RSPO2: variants seen among roughly 807,000 people sequenced by gnomAD.
The protein encoded by RSPO2 is R-spondin 2, also known as R-spondin-2.
In RSPO2, 14 loss-of-function variants were observed where a neutral mutation model predicts 30.9. That is an observed-to-expected ratio of 0.45 (90% CI 0.30 to 0.71). RSPO2 has a LOEUF of 0.71. Among genes scored for constraint, RSPO2 ranks in the 30% least tolerant of loss-of-function variants. The probability of loss-of-function intolerance (pLI) is 0.08; values close to 1 mark genes in which losing one functional copy is unlikely to be tolerated. For synonymous variants in RSPO2, 107 were observed against 96.4 expected (o/e 1.11, Z -0.64); for missense variants, 264 against 301.9 (o/e 0.87, Z 0.93).
intron 5 of RSPO2, among the ~76,000 whole-genome samples, chr8:107,901,577 C>T (rs1563741414): frequency 6.6e-6 from 1 of 152,238 alleles, no homozygotes; most frequent in Non-Finnish European, 1.5e-5. Context: ...AGAAAATAAG[C>T]ATCTATCTAT....
intron 5 of RSPO2, among the ~76,000 whole-genome samples, chr8:107,935,954 C>T (rs1812711218): frequency 6.6e-6 from 1 of 152,062 alleles, no homozygotes; most frequent in Non-Finnish European, 1.5e-5. Context: ...CTATGCGTTG[C>T]TAACACTTCA....
intron 2 of RSPO2, among the ~76,000 whole-genome samples, chr8:108,080,976 G>C (rs770768166): frequency 6.6e-6 from 1 of 152,150 alleles, no homozygotes; most frequent in Non-Finnish European, 1.5e-5. Flanking sequence ...GAGGAGAGAG[G>C]AGATAAAAAG....
intron 2 of RSPO2, among the ~76,000 whole-genome samples, chr8:108,016,820 G>A (rs960365150): frequency 2.0e-5 from 3 of 151,748 alleles, no homozygotes; most frequent in African/African-American, 7.3e-5. Flanking sequence ...ACTCTCTCTC[G>A]CGCTCCTGCT....
chr8:107,983,396 T>TA, intron 3 of RSPO2: 1 of 1,605,248 alleles, frequency 6.2e-7, no homozygotes, highest in South Asian at 1.1e-5. Flanking sequence ...GACAAGGATG[T>TA]AGCTGCCCAT....
intron 2 of RSPO2, among the ~76,000 whole-genome samples, chr8:108,011,478 AAC>A (rs1810711306): frequency 6.6e-6 from 1 of 152,214 alleles, no homozygotes; most frequent in Non-Finnish European, 1.5e-5. Context: ...TTTAATAGAG[AAC>A]AGAGTGATTT....
Position 107,901,107 on chromosome 8 carries a change from C to T in RSPO2, c.700G>A (p.Val234Ile), listed in dbSNP as rs761237646. 266 of 1,614,128 alleles carry T rather than the reference C, an allele frequency of 1.6e-4. 1 individual carries two copies. The highest frequency in any genetic ancestry group is 8.0e-4 in the Admixed American group (48 of 60,008). ...TTAGCTCTGTCTGTAGCTAGGAAGA[C>T]GCTGTGTTGCTCCTGGGCCCTTTCT... ...LIERAQEQHSVFLATDRANQ is the reference protein window; with the variant it reads ...LIERAQEQHSIFLATDRANQ The change falls in exon 6 of 6, where the codon GTC becomes ATC. Residue 234 changes from valine to isoleucine, a missense_variant. By Grantham distance (29) the Val-to-Ile change is conservative. Coordinates refer to ENST00000276659, the MANE Select transcript of RSPO2 (RefSeq NM_178565.5).
intron 5 of RSPO2, among the ~76,000 whole-genome samples, chr8:107,955,031 T>G (rs1297337842): frequency 6.6e-6 from 1 of 152,144 alleles, no homozygotes; most frequent in East Asian, 1.9e-4. Flanking sequence ...TTGGTTAGTC[T>G]TTGAAGGACC....
rs540309271 is a variant in RSPO2 at position 107,910,048 on chromosome 8, G to A, written c.617-8858C>T. On this transcript the variant is annotated intron_variant, in intron 5 of 5. Coordinates refer to ENST00000276659, the MANE Select transcript of RSPO2 (RefSeq NM_178565.5). ...CTAAATTAAGTCAGAAAAACCATCAGGTTTGCAGAGAAAATGATTCAGCTG... is the reference window on the plus strand; with the variant it reads ...CTAAATTAAGTCAGAAAAACCATCAAGTTTGCAGAGAAAATGATTCAGCTG... 3.9e-5 allele frequency among the ~76,000 whole-genome samples: 6 copies of A among 152,254 alleles called. No homozygotes were observed. The East Asian group carries it at 1.2e-3, about 29-fold the overall frequency.
chr8:107,901,347 A>G (rs1811456664), intron 5 of RSPO2, among the ~76,000 whole-genome samples, 157 bp from the exon 6 acceptor site: 1 of 139,712 alleles, frequency 7.2e-6, no homozygotes, highest in African/African-American at 2.8e-5. Context: ...ATTTTGACAG[A>G]ATAATAATAA....
At chr8:107,978,805 A>G (rs1814310132) in intron 3 of RSPO2, among the ~76,000 whole-genome samples, 3 of 152,238 alleles carry the variant, frequency 2.0e-5, no homozygotes, top group Non-Finnish European at 4.4e-5. Flanking sequence ...AATATCCACA[A>G]TCTACAATGA....
At chr8:108,037,458 T>G (rs377459650) in intron 2 of RSPO2, among the ~76,000 whole-genome samples, 4 of 152,178 alleles carry the variant, frequency 2.6e-5, no homozygotes, top group African/African-American at 9.7e-5. Context: ...AGGAAAGAAG[T>G]CATCTCCATA....
At chr8:107,940,103 C>A (rs776429462) in intron 5 of RSPO2, among the ~76,000 whole-genome samples, 10 of 152,100 alleles carry the variant, frequency 6.6e-5, no homozygotes, top group Non-Finnish European at 1.5e-4. Flanking sequence ...GAAGAAAGTT[C>A]TGCCTTTGCC....
chr8:107,946,414 G>A (rs1160359975), intron 5 of RSPO2, among the ~76,000 whole-genome samples: 3 of 152,162 alleles, frequency 2.0e-5, no homozygotes, highest in Admixed American at 6.6e-5. Context: ...CAGGAGAAAT[G>A]AGGTTTTGCA....
At chr8:107,968,600 CA>C (rs914948154) in intron 3 of RSPO2, among the ~76,000 whole-genome samples, 2 of 151,246 alleles carry the variant, frequency 1.3e-5, no homozygotes, top group South Asian at 2.1e-4. Flanking sequence ...GTTCCCAACA[CA>C]AAAAAAATAA....
chr8:107,930,018 C>T (rs914373667), intron 5 of RSPO2, among the ~76,000 whole-genome samples: 25 of 152,164 alleles, frequency 1.6e-4, no homozygotes, highest in African/African-American at 6.0e-4. Flanking sequence ...AACCACTTCT[C>T]TAGATCAGTA....
intron 5 of RSPO2, among the ~76,000 whole-genome samples, chr8:107,922,635 CA>C (rs1812212505): frequency 6.6e-6 from 1 of 151,982 alleles, no homozygotes; most frequent in Admixed American, 6.6e-5. Flanking sequence ...CCCAAGTAGA[CA>C]AGGCAATCCT....
intron 2 of RSPO2, among the ~76,000 whole-genome samples, chr8:107,991,605 C>G (rs943237221): frequency 1.3e-5 from 2 of 152,090 alleles, no homozygotes; most frequent in African/African-American, 4.8e-5. Context: ...TCAGACTGAA[C>G]AGGCAACCTA....
At chr8:107,973,948 A>T (rs1429164103) in intron 3 of RSPO2, among the ~76,000 whole-genome samples, 11 of 152,158 alleles carry the variant, frequency 7.2e-5, no homozygotes, top group Admixed American at 7.2e-4. Context: ...ATCGATTGAG[A>T]CCTGCCTCAG....
At chr8:108,059,642 C>T (rs1311864885) in intron 2 of RSPO2, among the ~76,000 whole-genome samples, 1 of 147,082 alleles carries the variant, frequency 6.8e-6, no homozygotes, top group Non-Finnish European at 1.5e-5. Context: ...GAAAATGTGG[C>T]ACATATACAC....
Sources: allele counts gnomAD v4.1 joint callset (sites outside exome capture counted in the v4.1 genomes callset), GRCh38; gene constraint gnomAD v4.1.1; transcripts MANE v1.5; gene names NCBI Gene and HGNC (gene_info 2026-07-23, HGNC 2026-07-21).